FRMD4A: variants seen among roughly 807,000 people sequenced by gnomAD.
The protein encoded by FRMD4A is FERM domain containing 4A.
A neutral mutation model predicts 129.1 loss-of-function variants in FRMD4A; 29 were observed. The ratio of observed to expected loss-of-function variants is 0.22; its 90% CI spans 0.17 to 0.31. The LOEUF (loss-of-function observed/expected upper bound fraction) is 0.31, where lower values mean the gene tolerates loss of function less well. Among genes scored for constraint, FRMD4A ranks in the 10% least tolerant of loss-of-function variants. FRMD4A has a pLI of 1.00. For synonymous variants in FRMD4A, 634 were observed against 571.6 expected, an observed-to-expected ratio of 1.11 and a Z score of -1.56; for missense variants, 1,272 against 1,375.8, an observed-to-expected ratio of 0.92 and a Z score of 1.19.
intron 2 of FRMD4A, among the ~76,000 whole-genome samples, chr10:14,170,489 A>G (rs1452453560): frequency 6.6e-6 from 1 of 152,214 alleles, no homozygotes; most frequent in African/African-American, 2.4e-5. Flanking sequence ...AGTACAGCGC[A>G]GGATATGTCT....
intron 2 of FRMD4A, chr10:14,007,949 T>C: frequency 8.1e-7 from 1 of 1,227,314 alleles, no homozygotes; most frequent in Non-Finnish European, 1.1e-6. Context: ...TCCCAGGAAC[T>C]CCAACTGTTC....
intron 4 of FRMD4A, among the ~76,000 whole-genome samples, chr10:13,809,811 C>CT (rs2093416163): frequency 6.6e-6 from 1 of 152,230 alleles, no homozygotes; most frequent in Admixed American, 6.5e-5. Context: ...ACGACACCCC[C>CT]TTTTGTTCAG....
intron 2 of FRMD4A, among the ~76,000 whole-genome samples, chr10:14,160,580 C>G (rs1490323944): frequency 2.6e-5 from 4 of 152,158 alleles, no homozygotes; most frequent in Admixed American, 1.3e-4. Context: ...GGAACTCAAA[C>G]AACTCAACAG....
intron 2 of FRMD4A, among the ~76,000 whole-genome samples, chr10:13,986,689 GA>G (rs56326657): frequency 0.027 from 3,728 of 139,938 alleles, 143 homozygotes; most frequent in African/African-American, 0.084. Flanking sequence ...TAAATATAAG[GA>G]AAAAAAAAAA....
At chr10:14,326,991 G>A (rs1460673892) in intron 2 of FRMD4A, 1 of 398,536 alleles carries the variant, frequency 2.5e-6, no homozygotes, top group Admixed American at 4.4e-5. Context: ...GTCCTGTGTG[G>A]AGAGGCATCA....
chr10:13,956,269 C>T (rs930199330), intron 2 of FRMD4A, among the ~76,000 whole-genome samples: 6 of 152,216 alleles, frequency 3.9e-5, no homozygotes, highest in African/African-American at 1.4e-4. Flanking sequence ...TCTCGTGCCT[C>T]CGCCTCCTGG....
chr10:13,820,947 G>T (rs2093621325), intron 3 of FRMD4A, among the ~76,000 whole-genome samples: 1 of 152,232 alleles, frequency 6.6e-6, no homozygotes, highest in Admixed American at 6.5e-5. Context: ...AGGGGCCGGG[G>T]TTAGCTTTTC....
At chr10:14,316,405 A>C (rs1336898065) in intron 2 of FRMD4A, among the ~76,000 whole-genome samples, 1 of 151,064 alleles carries the variant, frequency 6.6e-6, no homozygotes, top group East Asian at 2.0e-4. Flanking sequence ...GCCTCCCCAG[A>C]TGCCCATTCC....
intron 9 of FRMD4A, among the ~76,000 whole-genome samples, chr10:13,745,837 TG>T (rs1275641234): frequency 1.2e-4 from 18 of 152,132 alleles, no homozygotes; most frequent in Middle Eastern, 6.8e-3. Flanking sequence ...TTTTTGGAAG[TG>T]AACAGCCAGG....
chr10:14,294,146 G>A (rs1329706217), intron 2 of FRMD4A, among the ~76,000 whole-genome samples: 1 of 152,130 alleles, frequency 6.6e-6, no homozygotes, highest in African/African-American at 2.4e-5. Flanking sequence ...TGCCACTAAT[G>A]TTGTTTCCTA....
intron 3 of FRMD4A, among the ~76,000 whole-genome samples, chr10:13,824,004 A>C (rs1358881523): frequency 6.6e-6 from 1 of 152,174 alleles, no homozygotes; most frequent in Non-Finnish European, 1.5e-5. Flanking sequence ...TCAGACTGGA[A>C]AGGGAAAGCT....
chr10:14,014,494 C>G (rs1357205579), intron 2 of FRMD4A, among the ~76,000 whole-genome samples: 2 of 152,146 alleles, frequency 1.3e-5, no homozygotes, highest in African/African-American at 4.8e-5. Context: ...CATTCCATCT[C>G]CATCCCATTA....
At chr10:13,885,123 G>A (rs549805942) in intron 2 of FRMD4A, among the ~76,000 whole-genome samples, 47 of 152,308 alleles carry the variant, frequency 3.1e-4, no homozygotes, top group Admixed American at 7.2e-4. Context: ...AGTAGCTCAT[G>A]CCTGTAATCC....
At position 13,660,487 on chromosome 10, in the gene FRMD4A, G is replaced by A; in HGVS notation, c.1727C>T (p.Pro576Leu). 8.1e-6 allele frequency: 13 copies of A among 1,614,100 alleles called. No homozygotes were observed. The highest frequency in any genetic ancestry group is 1.1e-5 in the Non-Finnish European group (13 of 1,179,956). ...HSPHKGLPPR[P>L]PSHNRPPPPQ... ...AGGAGGAGGCCTGTTGTGCGACGGTGGCCGAGGAGGGAGTCCCTTGTGAGG... is the reference window on the plus strand; with the variant it reads ...AGGAGGAGGCCTGTTGTGCGACGGTAGCCGAGGAGGGAGTCCCTTGTGAGG... The change falls in exon 20 of 25, where the codon CCA becomes CTA. Residue 576 changes from proline to leucine, a missense_variant. This residue lies in a region of FRMD4A where 972 missense variants were observed against 892.3 expected (regional missense o/e 1.09). Coordinates refer to ENST00000357447, the MANE Select transcript of FRMD4A (RefSeq NM_018027.5).
In FRMD4A at chr10:13,923,631, G is replaced by T. The variant is rs533486617; in HGVS notation, c.46-64719C>A. 6.7e-3 allele frequency among the ~76,000 whole-genome samples: 1,022 copies of T among 152,304 alleles called. 16 individuals carry two copies. Among genetic ancestry groups the T allele is most frequent in the African/African-American group, 0.023 (971 of 41,556 alleles). On this transcript the variant is annotated intron_variant, in intron 2 of 24. Coordinates refer to ENST00000357447, the MANE Select transcript of FRMD4A (RefSeq NM_018027.5). ...TTTTTAAAGAACAGCTATACCACAT[G>T]TAATGCCTCACACCGAGTTCAAGGT...
intron 2 of FRMD4A, among the ~76,000 whole-genome samples, chr10:14,185,522 T>G (rs867347965): frequency 2.6e-5 from 4 of 152,186 alleles, no homozygotes; most frequent in East Asian, 1.9e-4. Context: ...GGAGGTTTGT[T>G]GTAGAACTAT....
At position 13,745,564 on chromosome 10, in the gene FRMD4A, G is replaced by A. The variant is rs186090942; in HGVS notation, c.548+2172C>T. 8.5e-5 allele frequency among the ~76,000 whole-genome samples: 13 copies of A among 152,346 alleles called. No homozygotes were observed. In the East Asian group the frequency reaches 2.5e-3, roughly 29 times the overall value. Reference sequence around the variant, plus strand: ...CAGAAGAGACAGAGAGAGTGTGTGTGAAGGGCGAGGTGCCTCTGGGTTAGT... The same window carrying A: ...CAGAAGAGACAGAGAGAGTGTGTGTAAAGGGCGAGGTGCCTCTGGGTTAGT... On this transcript the variant is annotated intron_variant, in intron 9 of 24. Coordinates refer to ENST00000357447, the MANE Select transcript of FRMD4A (RefSeq NM_018027.5).
chr10:13,855,329 G>T (rs2094198513), intron 3 of FRMD4A, among the ~76,000 whole-genome samples: 1 of 151,664 alleles, frequency 6.6e-6, no homozygotes, highest in South Asian at 2.1e-4. Flanking sequence ...TGATGCCATA[G>T]AAGCTCCTCT....
At chr10:13,734,983 C>T (rs372873005) in intron 12 of FRMD4A, among the ~76,000 whole-genome samples, 4 of 152,164 alleles carry the variant, frequency 2.6e-5, no homozygotes, top group Admixed American at 6.5e-5. Context: ...AAGTGATTCT[C>T]CTGCCTCAGC....
Sources: allele counts gnomAD v4.1 joint callset (sites outside exome capture counted in the v4.1 genomes callset), GRCh38; gene constraint gnomAD v4.1.1; regional missense constraint gnomAD v4.1.1; transcripts MANE v1.5; gene names NCBI Gene and HGNC (gene_info 2026-07-23, HGNC 2026-07-21).